Variants in CSMD2 observed in about 807,000 individuals in gnomAD.
CSMD2 encodes CUB and Sushi multiple domains 2, also known as CUB and sushi domain-containing protein 2.
CSMD2 carries 130 observed loss-of-function variants against 398.5 expected under a neutral mutation model. That is an observed-to-expected ratio of 0.33 (90% CI 0.28 to 0.38). The LOEUF is 0.38. Ranked by LOEUF, CSMD2 falls within the 10% of genes least tolerant of loss-of-function variation. The pLI, the probability that CSMD2 is intolerant of heterozygous loss-of-function variation, is 1.00. For synonymous variants in CSMD2, 1,828 were observed against 1,908.5 expected (o/e 0.96, Z 1.10); for missense variants, 3,829 against 4,764.9 (o/e 0.80, Z 5.78).
In CSMD2 at chr1:33,557,618, A is replaced by ACACACG; in HGVS notation, c.8743+115_8743+116insCGTGTG. ...CATAAGGCAACTCATACATGTGCAG[A>ACACACG]CACACACACACACACACACACACAC... On this transcript the variant is annotated intron_variant, in intron 55 of 70. Transcript: ENST00000373381. 1.5e-4 allele frequency: 4 copies of ACACACG among 26,270 alleles called. No homozygotes were observed. In the South Asian group the frequency reaches 2.4e-3, roughly 16 times the overall value. The allele number at this position is 26,270 out of a possible 1,614,324, so 1.6% of individuals were successfully genotyped here.
intron 37 of CSMD2, among the ~76,000 whole-genome samples, chr1:33,620,045 A>T (rs1206891027): frequency 6.6e-6 from 1 of 152,236 alleles, no homozygotes; most frequent in Non-Finnish European, 1.5e-5. Flanking sequence ...AATGGGAGAA[A>T]GATGAGGCTG....
intron 3 of CSMD2, among the ~76,000 whole-genome samples, chr1:33,963,366 A>G (rs538594337): frequency 6.6e-6 from 1 of 152,358 alleles, no homozygotes; most frequent in African/African-American, 2.4e-5. Flanking sequence ...GGGCTCTCTT[A>G]CAGCCTTGTT....
At position 33,782,291 on chromosome 1, in the gene CSMD2, C is replaced by T. The variant is rs116389140; in HGVS notation, c.1663+6309G>A. ...AATGGAGGCAGAGGTAATTCTGAAGCTTCAGGTAATGATGTAGGTTGGAAG... is the reference window on the plus strand; with the variant it reads ...AATGGAGGCAGAGGTAATTCTGAAGTTTCAGGTAATGATGTAGGTTGGAAG... On this transcript the variant is annotated intron_variant, in intron 12 of 70. Coordinates refer to ENST00000373381, the MANE Select transcript of CSMD2 (RefSeq NM_001281956.2). Among the ~76,000 whole-genome samples, 461 of 152,208 alleles carry T rather than the reference C, an allele frequency of 3.0e-3. 1 individual carries two copies. The highest frequency in any genetic ancestry group is 0.01 in the African/African-American group (419 of 41,514).
At chr1:33,755,904 C>T (rs1648945028) in intron 13 of CSMD2, among the ~76,000 whole-genome samples, 1 of 152,008 alleles carries the variant, frequency 6.6e-6, no homozygotes, top group Non-Finnish European at 1.5e-5. Flanking sequence ...CTGGCTTGTA[C>T]ACAAGTTTTT....
At chr1:33,616,333 G>A (rs759609098) in intron 39 of CSMD2, among the ~76,000 whole-genome samples, 1 of 152,072 alleles carries the variant, frequency 6.6e-6, no homozygotes, top group African/African-American at 2.4e-5. Flanking sequence ...CGCCTCCTGG[G>A]TTCAAGTGAT....
intron 33 of CSMD2, among the ~76,000 whole-genome samples, chr1:33,625,774 C>G (rs185194823): frequency 6.6e-6 from 1 of 152,176 alleles, no homozygotes; most frequent in Non-Finnish European, 1.5e-5. Flanking sequence ...AAACACAGCT[C>G]ATCCTGGGCA....
intron 13 of CSMD2, among the ~76,000 whole-genome samples, chr1:33,749,184 AC>A (rs989131964): frequency 7.0e-6 from 1 of 142,632 alleles, no homozygotes; most frequent in Non-Finnish European, 1.5e-5. Flanking sequence ...TGCAGGCTCC[AC>A]CCCCCCAGGT....
intron 1 of CSMD2, among the ~76,000 whole-genome samples, chr1:34,098,157 A>G (rs375106524): frequency 6.4e-5 from 8 of 125,656 alleles, no homozygotes; most frequent in African/African-American, 1.2e-4. Context: ...GTAAACTATC[A>G]CAAGAACAAA....
chr1:33,692,740 T>C (rs541286707), intron 25 of CSMD2, among the ~76,000 whole-genome samples, 190 bp downstream of exon 25: 1 of 152,210 alleles, frequency 6.6e-6, no homozygotes, highest in African/African-American at 2.4e-5. Flanking sequence ...GGACTTGGCA[T>C]GAAGCCCTGA....
intron 10 of CSMD2, chr1:33,804,605 G>C (rs986774736): frequency 1.5e-6 from 1 of 683,466 alleles, no homozygotes; most frequent in Non-Finnish European, 2.7e-6. Context: ...ACTCCTCAAG[G>C]GCAGAGGCCA....
At chr1:34,034,921 C>T (rs1310816478) in intron 2 of CSMD2, among the ~76,000 whole-genome samples, 1 of 151,972 alleles carries the variant, frequency 6.6e-6, no homozygotes, top group Non-Finnish European at 1.5e-5. Context: ...AAACGGTAAA[C>T]AGGAGGAAAA....
chr1:34,014,172 G>A (rs1647757004), intron 3 of CSMD2, among the ~76,000 whole-genome samples: 1 of 152,064 alleles, frequency 6.6e-6, no homozygotes, highest in South Asian at 2.1e-4. Context: ...CACCCAGAGC[G>A]CCCCCTGGCT....
rs1055552239 is a variant in CSMD2, at chr1:33,611,271, G to A, written c.6134-21C>T. The A allele has an allele frequency of 3.1e-6, 5 of 1,602,830 alleles. No homozygotes were observed. In the African/African-American group the frequency reaches 5.4e-5, roughly 17 times the overall value. Reference sequence around the variant, plus strand: ...AGCTCCTGGGAGCAAGACAGAGGCAGACAGTGCCCAAAGCAACACAGTCCT... The same window carrying A: ...AGCTCCTGGGAGCAAGACAGAGGCAAACAGTGCCCAAAGCAACACAGTCCT... On this transcript the variant is annotated intron_variant, in intron 40 of 70. Transcript: ENST00000373381.
chr1:33,940,448 T>C (rs1644630372), intron 3 of CSMD2, among the ~76,000 whole-genome samples: 1 of 152,010 alleles, frequency 6.6e-6, no homozygotes, highest in Non-Finnish European at 1.5e-5. Flanking sequence ...CCTGAGTGCC[T>C]AGTACGTTTC....
At chr1:34,123,611 GA>G (rs1662436530) in intron 1 of CSMD2, among the ~76,000 whole-genome samples, 1 of 152,154 alleles carries the variant, frequency 6.6e-6, no homozygotes. Flanking sequence ...AAGCGGGGGG[GA>G]GTCTCGGGAA....
chr1:33,934,655 T>A (rs143064711), intron 4 of CSMD2, among the ~76,000 whole-genome samples: 2,657 of 152,190 alleles, frequency 0.017, 83 homozygotes, highest in African/African-American at 0.061. Flanking sequence ...TTAAAACAGG[T>A]AAATTTTCTT....
chr1:34,067,153 A>G (rs915574529), intron 2 of CSMD2, among the ~76,000 whole-genome samples: 3 of 152,184 alleles, frequency 2.0e-5, no homozygotes, highest in African/African-American at 7.2e-5. Flanking sequence ...AGTTATCCCA[A>G]TGACTCACAG....
At chr1:33,936,494 T>G (rs777131532) in intron 3 of CSMD2, among the ~76,000 whole-genome samples, 1 of 152,072 alleles carries the variant, frequency 6.6e-6, no homozygotes, top group Non-Finnish European at 1.5e-5. Context: ...GAATAGGCAG[T>G]GAAGTGGGAA....
At chr1:33,769,112 C>G (rs1041685708) in intron 13 of CSMD2, among the ~76,000 whole-genome samples, 1 of 152,216 alleles carries the variant, frequency 6.6e-6, no homozygotes, top group Non-Finnish European at 1.5e-5. Context: ...AAACCACCAT[C>G]AGAGTTATTT....
Sources: allele counts gnomAD v4.1 joint callset (sites outside exome capture counted in the v4.1 genomes callset), GRCh38; gene constraint gnomAD v4.1.1; transcripts MANE v1.5; gene names NCBI Gene and HGNC (gene_info 2026-07-23, HGNC 2026-07-21).